The following CAPN6 variants were observed in gnomAD, a reference collection of about 807,000 sequenced individuals.
CAPN6 encodes calpain-6.
CAPN6 carries 16 observed loss-of-function variants against 46.0 expected under a neutral mutation model. The observed-to-expected ratio is 0.35, with a 90% CI of 0.24 to 0.53. The LOEUF is 0.53. Ranked by LOEUF, CAPN6 falls within the 20% of genes least tolerant of loss-of-function variation. The pLI, the probability that CAPN6 is intolerant of heterozygous loss-of-function variation, is 0.94. For synonymous variants in CAPN6, 206 were observed against 172.8 expected, an observed-to-expected ratio of 1.19 and a Z score of -1.51; for missense variants, 461 against 498.0, an observed-to-expected ratio of 0.93 and a Z score of 0.71.
Position 111,251,109 on chromosome X carries a change from T to C in CAPN6, c.972-6A>G. ...AAAAGTCCTCCAAGCTCATCCTGAATGGAAGGAGCACAGGAAAAAAATAAA... is the reference window on the plus strand; with the variant it reads ...AAAAGTCCTCCAAGCTCATCCTGAACGGAAGGAGCACAGGAAAAAAATAAA... On this transcript the variant is annotated splice_region_variant and splice_polypyrimidine_tract_variant and intron_variant, in intron 7 of 12. Coordinates refer to ENST00000324068, the MANE Select transcript of CAPN6 (RefSeq NM_014289.4). The C allele has an allele frequency of 2.5e-6, 3 of 1,209,923 alleles. No individual in the cohort carries two copies. Among genetic ancestry groups the C allele is most frequent in the Middle Eastern group, 2.3e-4 (1 of 4,349 alleles).
chrX:111,253,287 C>A, intron 3 of CAPN6, 71 bp from the exon 4 acceptor site: 1 of 858,325 alleles, frequency 1.2e-6, no homozygotes, highest in Non-Finnish European at 1.7e-6. Flanking sequence ...TTACAGTTTA[C>A]TCCTGGCAAA....
chrX:111,267,844 G>C (rs1325674762), intron 1 of CAPN6, among the ~76,000 whole-genome samples: 1 of 111,676 alleles, frequency 9.0e-6, no homozygotes, highest in Non-Finnish European at 1.9e-5. Flanking sequence ...CAGACAAATT[G>C]AATACAGAAG....
chrX:111,253,255 A>C, intron 3 of CAPN6, 39 bp from the exon 4 acceptor site: 1 of 1,049,738 alleles, frequency 9.5e-7, no homozygotes, highest in African/African-American at 1.8e-5. Context: ...GTTATTCACC[A>C]GACCACATCC....
Position 111,253,225 on chromosome X carries a change from G to T in CAPN6, c.298-9C>A. The T allele has an allele frequency of 2.6e-6, 3 of 1,168,031 alleles. No homozygotes were observed. Among genetic ancestry groups the T allele is most frequent in the Non-Finnish European group, 3.5e-6 (3 of 856,056 alleles). ...TTATGGTTGGGAATTGTCTAGAAAT[G>T]CAAGAACATTTAATCAAGTGTTATT... On this transcript the variant is annotated splice_polypyrimidine_tract_variant and intron_variant, in intron 3 of 12. Coordinates refer to ENST00000324068, the MANE Select transcript of CAPN6 (RefSeq NM_014289.4).
At chrX:111,256,121 A>T (rs2094983540) in intron 2 of CAPN6, among the ~76,000 whole-genome samples, 1 of 111,874 alleles carries the variant, frequency 8.9e-6, no homozygotes, top group African/African-American at 3.3e-5. Flanking sequence ...ATTTCTGGCC[A>T]GGTGTGGTGG....
chrX:111,260,397 A>G (rs2094987018), intron 2 of CAPN6, among the ~76,000 whole-genome samples: 1 of 113,205 alleles, frequency 8.8e-6, no homozygotes, highest in Non-Finnish European at 1.9e-5. Flanking sequence ...GAAAGGAAAA[A>G]GACAGAAAAT....
intron 8 of CAPN6, among the ~76,000 whole-genome samples, chrX:111,250,203 C>T (rs2094977957): frequency 9.0e-6 from 1 of 111,584 alleles, no homozygotes; most frequent in Non-Finnish European, 1.9e-5. Context: ...AAGACGCACC[C>T]ATGGGCAGTG....
intron 1 of CAPN6, among the ~76,000 whole-genome samples, chrX:111,265,037 C>A (rs913557321): frequency 1.8e-5 from 2 of 111,750 alleles, no homozygotes; most frequent in African/African-American, 6.5e-5. Flanking sequence ...AGTCTATATT[C>A]TATAATCACA....
rs201147886 is a variant in CAPN6 at position 111,251,300 on chromosome X, GA to G, written c.894-15del. ...CACTCTTCAGAACTGAAAGTAAATA[GA>G]AAAAAAAAAAAAAGATAAATCATTA... On this transcript the variant is annotated splice_polypyrimidine_tract_variant and intron_variant, in intron 6 of 12. Coordinates refer to ENST00000324068, the MANE Select transcript of CAPN6 (RefSeq NM_014289.4). The G allele has an allele frequency of 0.069, 51,685 of 745,792 alleles. 1 individual carries two copies. The highest frequency in any genetic ancestry group is 0.074 in the Non-Finnish European group (41,040 of 554,338). The allele number at this position is 745,792 out of a possible 1,213,427, so 61.5% of individuals were successfully genotyped here.
At chrX:111,261,553 G>A (rs1233334589) in intron 2 of CAPN6, among the ~76,000 whole-genome samples, 1 of 112,319 alleles carries the variant, frequency 8.9e-6, no homozygotes, top group Non-Finnish European at 1.9e-5. Flanking sequence ...CACTTTAGAA[G>A]GGCTATTGTT....
chrX:111,257,964 G>A (rs888157686), intron 2 of CAPN6, among the ~76,000 whole-genome samples: 1 of 111,713 alleles, frequency 9.0e-6, no homozygotes, highest in Non-Finnish European at 1.9e-5. Flanking sequence ...AATGGTCCCC[G>A]CATGACCCCA....
intron 12 of CAPN6, among the ~76,000 whole-genome samples, chrX:111,247,062 G>A (rs913658885): frequency 3.6e-5 from 4 of 111,594 alleles, no homozygotes; most frequent in African/African-American, 1.3e-4. Context: ...ACCTAGCCAT[G>A]TGAGGGTCCT....
At chrX:111,259,060 CA>C (rs781259794) in intron 2 of CAPN6, among the ~76,000 whole-genome samples, 40 of 112,015 alleles carry the variant, frequency 3.6e-4, no homozygotes, top group Non-Finnish European at 5.8e-4. Flanking sequence ...TTACTCCCTT[CA>C]AATGTGCACA....
At chrX:111,251,822 A>C in intron 5 of CAPN6, 80 bp from the exon 6 acceptor site, 1 of 853,946 alleles carries the variant, frequency 1.2e-6, no homozygotes, top group Non-Finnish European at 1.7e-6. Context: ...AATTGGCTTA[A>C]CCCAGTAGGA....
Position 111,247,989 on chromosome X carries a change from T to C in CAPN6, c.1488A>G (p.Glu496=). 1.7e-6 allele frequency: 2 copies of C among 1,208,379 alleles called. No individual in the cohort carries two copies. Among genetic ancestry groups the C allele is most frequent in the Non-Finnish European group, 2.2e-6 (2 of 893,231 alleles). Reference sequence around the variant, plus strand: ...ACATTTTGGGCATGTCCAGAGTCAGTTCCCTAGAACATCAAAAATAAAATA... The same window carrying C: ...ACATTTTGGGCATGTCCAGAGTCAGCTCCCTAGAACATCAAAAATAAAATA... ...IFSEVPVQLR[E]LTLDMPKMSC... is the part of the protein sequence containing the mutation. The change falls in exon 11 of 13, where the codon GAA becomes GAG. Residue 496 remains glutamate, a synonymous_variant. Transcript: ENST00000324068.
At chrX:111,264,933 A>G (rs187935531) in intron 1 of CAPN6, among the ~76,000 whole-genome samples, 1 of 111,917 alleles carries the variant, frequency 8.9e-6, no homozygotes, top group East Asian at 2.8e-4. Context: ...AATGATTTTA[A>G]TGATCCTCTC....
intron 2 of CAPN6, among the ~76,000 whole-genome samples, chrX:111,262,813 T>C (rs1474773359): frequency 2.7e-5 from 3 of 112,083 alleles, no homozygotes; most frequent in Non-Finnish European, 5.6e-5. Flanking sequence ...AACATACAGA[T>C]GATGCACAGA....
intron 1 of CAPN6, 66 bp from the exon 2 acceptor site, chrX:111,264,017 A>T: frequency 1.3e-6 from 1 of 743,825 alleles, no homozygotes; most frequent in Non-Finnish European, 1.9e-6. Flanking sequence ...GTTACCTGAG[A>T]TTAGACAAAC....
intron 1 of CAPN6, among the ~76,000 whole-genome samples, chrX:111,266,341 A>T (rs1349378829): frequency 9.1e-6 from 1 of 109,743 alleles, no homozygotes; most frequent in Non-Finnish European, 1.9e-5. Flanking sequence ...CAAATTTTTC[A>T]TCAGGAAAGT....
Sources: allele counts gnomAD v4.1 joint callset (sites outside exome capture counted in the v4.1 genomes callset), GRCh38; gene constraint gnomAD v4.1.1; transcripts MANE v1.5; gene names NCBI Gene and HGNC (gene_info 2026-07-23, HGNC 2026-07-21).